Variants in NF2 observed in about 807,000 individuals in gnomAD.
The protein encoded by NF2 is merlin.
A neutral mutation model predicts 83.7 loss-of-function variants in NF2; 8 were observed. That is an observed-to-expected ratio of 0.10 (90% CI 0.06 to 0.17). The LOEUF (loss-of-function observed/expected upper bound fraction) is 0.17. NF2 is among the 10% of genes least tolerant of loss of function. The pLI is 1.00. For missense variants in NF2, 533 were observed against 744.4 expected (o/e 0.72, Z 3.31); for synonymous variants, 266 against 269.6 (o/e 0.99, Z 0.13).
chr22:29,685,414 G>A (rs1722817431), intron 15 of NF2, among the ~76,000 whole-genome samples: 1 of 151,018 alleles, frequency 6.6e-6, no homozygotes, highest in African/African-American at 2.4e-5. Flanking sequence ...GGCCTGTTTT[G>A]TTTTTAATAA....
At chr22:29,644,074 A>G (rs541114287) in intron 4 of NF2, among the ~76,000 whole-genome samples, 16 of 149,926 alleles carry the variant, frequency 1.1e-4, no homozygotes, top group African/African-American at 3.7e-4. Context: ...GACGCTCCTC[A>G]CTTCCCAGAC....
At chr22:29,627,755 C>G (rs1406984251) in intron 1 of NF2, among the ~76,000 whole-genome samples, 1 of 152,042 alleles carries the variant, frequency 6.6e-6, no homozygotes, top group Non-Finnish European at 1.5e-5. Flanking sequence ...AAAGACTTAC[C>G]AGAGTTTAAA....
intron 10 of NF2, among the ~76,000 whole-genome samples, chr22:29,669,705 C>G (rs963041241): frequency 6.6e-6 from 1 of 152,170 alleles, no homozygotes; most frequent in African/African-American, 2.4e-5. Flanking sequence ...CTGCTTACAG[C>G]ACAGCAGAGC....
intron 12 of NF2, among the ~76,000 whole-genome samples, chr22:29,674,584 TTC>T (rs935762380): frequency 1.3e-5 from 2 of 152,244 alleles, no homozygotes; most frequent in Admixed American, 1.3e-4. Flanking sequence ...AAGGTCTGGT[TTC>T]TCTCATTCCC....
At position 29,644,727 on chromosome 22, in the gene NF2, C is replaced by T. The variant is rs1427637291; in HGVS notation, c.447+2442C>T. On this transcript the variant is annotated intron_variant, in intron 4 of 15. Transcript: ENST00000338641. ...CGCGGTTAGGAGCTGGAGACCGGCC[C>T]GGCCAACACAGCGAAACCCCGTCTC... Among the ~76,000 whole-genome samples the T allele has an allele frequency of 7.2e-5, 11 of 152,254 alleles. No homozygotes were observed. The East Asian group carries it at 9.7e-4, about 13-fold the overall frequency.
At chr22:29,643,713 A>G (rs2065880948) in intron 4 of NF2, among the ~76,000 whole-genome samples, 1 of 152,266 alleles carries the variant, frequency 6.6e-6, no homozygotes, top group African/African-American at 2.4e-5. Context: ...CACGGCAACC[A>G]TCCGATTTCT....
intron 1 of NF2, among the ~76,000 whole-genome samples, chr22:29,604,500 A>G (rs1220165510): frequency 6.6e-6 from 1 of 152,294 alleles, no homozygotes; most frequent in East Asian, 1.9e-4. Flanking sequence ...TCCCTTTTCT[A>G]AAGCTTGCAT....
intron 15 of NF2, among the ~76,000 whole-genome samples, chr22:29,689,382 G>A (rs1389962358): frequency 1.3e-5 from 2 of 151,880 alleles, no homozygotes; most frequent in Non-Finnish European, 2.9e-5. Flanking sequence ...TTCTCCCTGT[G>A]GATCCGGTGC....
intron 12 of NF2, 78 bp downstream of exon 12, chr22:29,673,564 T>G: frequency 2.0e-6 from 3 of 1,472,632 alleles, no homozygotes; most frequent in Non-Finnish European, 2.8e-6. Flanking sequence ...GGCTGAGCTC[T>G]ACAGCAGTTG....
intron 3 of NF2, among the ~76,000 whole-genome samples, chr22:29,641,935 TAC>T (rs1249382377): frequency 6.6e-6 from 1 of 152,210 alleles, no homozygotes; most frequent in Admixed American, 6.5e-5. Flanking sequence ...CTGTTGTAAC[TAC>T]AGAGACCGTT....
At chr22:29,642,169 A>C in intron 3 of NF2, 33 bp from the exon 4 acceptor site, 4 of 1,564,626 alleles carry the variant, frequency 2.6e-6, no homozygotes, top group Non-Finnish European at 3.5e-6. Context: ...TTCCACTCAC[A>C]GAGTATCATG....
chr22:29,679,756 C>A (rs1222731692), intron 14 of NF2, among the ~76,000 whole-genome samples: 1 of 151,580 alleles, frequency 6.6e-6, no homozygotes, highest in African/African-American at 2.4e-5. Context: ...GTCCCAGCTA[C>A]TCGGGAGGCT....
chr22:29,639,584 C>T (rs2065745247), intron 3 of NF2, among the ~76,000 whole-genome samples: 1 of 152,136 alleles, frequency 6.6e-6, no homozygotes, highest in African/African-American at 2.4e-5. Context: ...TTAAAATCTG[C>T]TCTCATTAAG....
At chr22:29,644,998 T>C (rs868199966) in intron 4 of NF2, among the ~76,000 whole-genome samples, 10 of 152,314 alleles carry the variant, frequency 6.6e-5, no homozygotes, top group African/African-American at 2.2e-4. Context: ...TAAAACATAA[T>C]CTTTTCACTT....
chr22:29,647,006 A>G (rs184090546), intron 4 of NF2, among the ~76,000 whole-genome samples: 97 of 148,824 alleles, frequency 6.5e-4, no homozygotes, highest in African/African-American at 2.2e-3. Context: ...ATTGCACTCC[A>G]GCCTGGGTGA....
rs767682136 is a variant in NF2, at chr22:29,678,251, T to C, written c.1502T>C (p.Ile501Thr). The change falls in exon 14 of 16, where the codon ATT (isoleucine) becomes ACT (threonine). Residue 501 changes from isoleucine (I) to threonine (T), a missense_variant. Transcript: ENST00000338641. Reference protein sequence around the residue: ...LPPDIPSFNLIGDSLSFDFKD... With the variant: ...LPPDIPSFNLTGDSLSFDFKD... ...CCTGACATACCAAGCTTCAACCTCA[T>C]TGGTGACAGCCTGTCTTTCGACTTC... The C allele has an allele frequency of 3.1e-6, 5 of 1,614,182 alleles. No individual in the cohort carries two copies. The Admixed American group carries it at 5.0e-5, about 16-fold the overall frequency.
chr22:29,673,636 T>C lies in NF2; in HGVS notation c.1340+150T>C, dbSNP rs1468707559. ...AGGCTCCTCCTTGGCTGATGGTGAC[T>C]GGTGCTTTATCCATTTTGGGGCTGG... is the stretch of plus-strand genomic sequence containing the variant. On this transcript the variant is annotated intron_variant, in intron 12 of 15. Transcript: ENST00000338641. 5.7e-6 allele frequency: 5 copies of C among 872,494 alleles called. No homozygotes were observed. The Admixed American group carries it at 1.1e-4, about 19-fold the overall frequency. 54.0% of individuals were successfully genotyped at this position (872,494 alleles called of 1,614,324 possible).
chr22:29,631,310 C>G (rs1040845293), intron 1 of NF2, among the ~76,000 whole-genome samples: 1 of 152,138 alleles, frequency 6.6e-6, no homozygotes, highest in African/African-American at 2.4e-5. Context: ...TCAACTACCC[C>G]CCTGGCTTTC....
intron 1 of NF2, among the ~76,000 whole-genome samples, chr22:29,633,218 A>C (rs1167645353): frequency 6.6e-6 from 1 of 152,188 alleles, no homozygotes; most frequent in African/African-American, 2.4e-5. Context: ...GCTTTAAATC[A>C]AATATGTTTG....
Sources: gnomAD v4.1 joint callset for allele counts (sites outside exome capture counted in the v4.1 genomes callset) on GRCh38, gnomAD v4.1.1 for gene constraint, MANE v1.5 for transcripts, NCBI Gene and HGNC (gene_info 2026-07-23, HGNC 2026-07-21) for gene names.